The following OPCML variants were observed in gnomAD, a reference collection of about 807,000 sequenced individuals.
OPCML encodes opioid binding protein/cell adhesion molecule like, also known as opioid-binding protein/cell adhesion molecule.
A neutral mutation model predicts 37.8 loss-of-function variants in OPCML; 13 were observed. That is an observed-to-expected ratio of 0.34 (90% confidence interval 0.22 to 0.55). The LOEUF (loss-of-function observed/expected upper bound fraction) is 0.55, where lower values mean the gene tolerates loss of function less well. Ranked by LOEUF, OPCML falls within the 20% of genes least tolerant of loss-of-function variation. The probability of loss-of-function intolerance (pLI) is 0.91; values close to 1 mark genes in which losing one functional copy is unlikely to be tolerated. For missense variants in OPCML, 341 were observed against 435.6 expected (o/e 0.78, Z 1.93); for synonymous variants, 176 against 168.8 (o/e 1.04, Z -0.33).
intron 2 of OPCML, among the ~76,000 whole-genome samples, chr11:132,938,271 T>C (rs1417688205): frequency 6.6e-6 from 1 of 151,902 alleles, no homozygotes; most frequent in Non-Finnish European, 1.5e-5. Context: ...AGACTAACCA[T>C]AACCACACAT....
chr11:132,699,602 A>T (rs147059942), intron 2 of OPCML, among the ~76,000 whole-genome samples: 1 of 152,192 alleles, frequency 6.6e-6, no homozygotes, highest in South Asian at 2.1e-4. Flanking sequence ...TGTTGATACG[A>T]TCATATAACT....
intron 1 of OPCML, among the ~76,000 whole-genome samples, chr11:133,085,823 G>C (rs935858302): frequency 2.0e-5 from 3 of 152,230 alleles, no homozygotes; most frequent in South Asian, 2.1e-4. Flanking sequence ...GTGTATATCT[G>C]ATCTGAGAAT....
chr11:133,056,334 T>C (rs1247679272), intron 1 of OPCML, among the ~76,000 whole-genome samples: 1 of 152,194 alleles, frequency 6.6e-6, no homozygotes, highest in Non-Finnish European at 1.5e-5. Flanking sequence ...TACAGAATGA[T>C]TAGCTTCATA....
chr11:133,016,023 A>G (rs975737921), intron 1 of OPCML, among the ~76,000 whole-genome samples: 1 of 152,240 alleles, frequency 6.6e-6, no homozygotes, highest in Non-Finnish European at 1.5e-5. Context: ...TTACATATTA[A>G]TTGGCTGTAC....
chr11:133,011,804 CA>C (rs1947222586), intron 1 of OPCML, among the ~76,000 whole-genome samples: 1 of 152,086 alleles, frequency 6.6e-6, no homozygotes, highest in Admixed American at 6.5e-5. Flanking sequence ...AGCTTATCTG[CA>C]AATAGGGCTA....
intron 1 of OPCML, among the ~76,000 whole-genome samples, chr11:133,529,409 G>C (rs1217393905): frequency 6.6e-6 from 1 of 152,188 alleles, no homozygotes; most frequent in Admixed American, 6.5e-5. Context: ...CCCCAACCAG[G>C]GGTGTCCAGA....
chr11:132,452,716 A>G (rs1054620761), intron 4 of OPCML, among the ~76,000 whole-genome samples: 1 of 151,938 alleles, frequency 6.6e-6, no homozygotes, highest in Admixed American at 6.6e-5. Context: ...CTCTTACACA[A>G]TAAGCCTACC....
At chr11:133,090,991 C>T (rs763267247) in intron 1 of OPCML, among the ~76,000 whole-genome samples, 37 of 152,248 alleles carry the variant, frequency 2.4e-4, no homozygotes, top group Middle Eastern at 6.8e-3. Flanking sequence ...GTGCTAAGGC[C>T]TTGAGGGTAG....
intron 1 of OPCML, among the ~76,000 whole-genome samples, chr11:133,521,639 G>A (rs1021055577): frequency 6.6e-6 from 1 of 152,216 alleles, no homozygotes; most frequent in South Asian, 2.1e-4. Context: ...CCATCCCAGT[G>A]CCAAGTAAGA....
At chr11:132,598,578 CTG>C (rs147925521) in intron 3 of OPCML, among the ~76,000 whole-genome samples, 1 of 152,228 alleles carries the variant, frequency 6.6e-6, no homozygotes, top group African/African-American at 2.4e-5. Flanking sequence ...TTCATCAACA[CTG>C]TGTAATATTA....
At chr11:133,199,555 G>A (rs1358699621) in intron 1 of OPCML, among the ~76,000 whole-genome samples, 2 of 152,108 alleles carry the variant, frequency 1.3e-5, no homozygotes, top group African/African-American at 4.8e-5. Flanking sequence ...AGGACTGAGG[G>A]GAGGGGAGTG....
intron 1 of OPCML, among the ~76,000 whole-genome samples, chr11:133,434,182 C>T (rs527518762): frequency 1.3e-5 from 2 of 152,232 alleles, no homozygotes; most frequent in South Asian, 4.2e-4. Context: ...ACACTATTCA[C>T]TTTCCTCATG....
intron 2 of OPCML, among the ~76,000 whole-genome samples, chr11:132,836,660 G>T (rs1170110330): frequency 2.0e-5 from 3 of 152,040 alleles, no homozygotes; most frequent in Non-Finnish European, 4.4e-5. Context: ...GCTAATATTT[G>T]TTCTATATTA....
At chr11:132,472,135 T>A (rs1242781961) in intron 4 of OPCML, among the ~76,000 whole-genome samples, 1 of 152,196 alleles carries the variant, frequency 6.6e-6, no homozygotes. Flanking sequence ...TACATACATG[T>A]CACATAAAGG....
intron 1 of OPCML, among the ~76,000 whole-genome samples, chr11:133,040,931 C>T (rs1031251245): frequency 2.0e-5 from 3 of 152,172 alleles, no homozygotes; most frequent in African/African-American, 7.2e-5. Context: ...TGTAAAACCA[C>T]ACAGAACATC....
In OPCML at chr11:133,390,326, G is replaced by A. The variant is rs893626985; in HGVS notation, c.61+141938C>T. ...TACAAAAAAAAAATTAGCCGGGTGT[G>A]GTGGCGGGCGCCTGTAGTCCCAGCT... On this transcript the variant is annotated intron_variant, in intron 1 of 7. Coordinates refer to ENST00000524381, the MANE Select transcript of OPCML (RefSeq NM_001012393.5). Among the ~76,000 whole-genome samples the A allele has an allele frequency of 3.9e-5, 6 of 152,062 alleles. No individual in the cohort carries two copies. In the South Asian group the frequency reaches 8.3e-4, roughly 21 times the overall value.
At chr11:132,741,919 C>T (rs1244931486) in intron 2 of OPCML, among the ~76,000 whole-genome samples, 3 of 151,810 alleles carry the variant, frequency 2.0e-5, no homozygotes, top group African/African-American at 7.3e-5. Flanking sequence ...ATCCCAGCTA[C>T]TCGGGAGGCT....
intron 1 of OPCML, among the ~76,000 whole-genome samples, chr11:133,433,283 AT>A (rs1946165695): frequency 6.6e-6 from 1 of 150,990 alleles, no homozygotes; most frequent in African/African-American, 2.4e-5. Context: ...TTACTGATGG[AT>A]TTTAATGTTC....
intron 1 of OPCML, among the ~76,000 whole-genome samples, chr11:133,011,181 C>T (rs1947205246): frequency 6.6e-6 from 1 of 152,136 alleles, no homozygotes; most frequent in African/African-American, 2.4e-5. Flanking sequence ...TCAAGCAGAG[C>T]TGAAAAATTT....
Sources: gnomAD v4.1 joint callset for allele counts (sites outside exome capture counted in the v4.1 genomes callset) on GRCh38, gnomAD v4.1.1 for gene constraint, MANE v1.5 for transcripts, NCBI Gene and HGNC (gene_info 2026-07-23, HGNC 2026-07-21) for gene names.